The following TOP1 variants were observed in gnomAD, a reference collection of about 807,000 sequenced individuals.
TOP1 encodes the protein DNA topoisomerase I, also known as DNA topoisomerase 1.
A neutral mutation model predicts 111.1 loss-of-function variants in TOP1; 10 were observed. That is an observed-to-expected ratio of 0.09 (90% CI 0.06 to 0.15). The LOEUF is 0.15. Among genes scored for constraint, TOP1 ranks in the 10% least tolerant of loss-of-function variants. The pLI is 1.00. For missense variants in TOP1, 474 were observed against 926.7 expected, an observed-to-expected ratio of 0.51 and a Z score of 6.34; for synonymous variants, 271 against 302.9, an observed-to-expected ratio of 0.89 and a Z score of 1.10.
intron 3 of TOP1, among the ~76,000 whole-genome samples, chr20:41,070,533 T>A (rs1226462041): frequency 6.6e-6 from 1 of 152,216 alleles, no homozygotes; most frequent in Admixed American, 6.5e-5. Flanking sequence ...CAGAGGCAAC[T>A]TTTGAAGTTA....
Position 41,112,453 on chromosome 20 carries a change from G to A in TOP1, c.1309-329G>A, listed in dbSNP as rs2034257563. On this transcript the variant is annotated intron_variant, in intron 13 of 20. Transcript: ENST00000361337. The surrounding 1 kb of genome is among the most constrained non-coding windows in gnomAD (Gnocchi z 5.8). Reference sequence around the variant, plus strand: ...TCTGGGAAAGCCTTAGAAGTCAGTTGTGCTTGGCAGTGAGATGGGACAATG... The same window carrying A: ...TCTGGGAAAGCCTTAGAAGTCAGTTATGCTTGGCAGTGAGATGGGACAATG... Among the ~76,000 whole-genome samples the A allele has an allele frequency of 1.3e-5, 2 of 152,354 alleles. No individual in the cohort carries two copies. The highest frequency in any genetic ancestry group is 2.4e-5 in the African/African-American group (1 of 41,592).
chr20:41,037,591 C>A (rs768193961), intron 2 of TOP1, among the ~76,000 whole-genome samples: 11 of 152,150 alleles, frequency 7.2e-5, no homozygotes, highest in Non-Finnish European at 1.6e-4. Flanking sequence ...GTACCAAATG[C>A]CGTGTTAACA....
intron 3 of TOP1, among the ~76,000 whole-genome samples, chr20:41,066,709 C>A (rs2033612802): frequency 1.3e-5 from 2 of 151,990 alleles, no homozygotes; most frequent in African/African-American, 4.8e-5. Flanking sequence ...TGCCCGCCAC[C>A]ATGCCCCGCT....
chr20:41,050,879 G>C (rs1318924025), intron 2 of TOP1, among the ~76,000 whole-genome samples: 4 of 150,924 alleles, frequency 2.7e-5, no homozygotes, highest in Non-Finnish European at 5.9e-5. Flanking sequence ...ACTGGGTATA[G>C]AGTGTTAAAG....
In TOP1 at chr20:41,080,615, T is replaced by C. The variant is rs6016511; in HGVS notation, c.431+435T>C. On this transcript the variant is annotated intron_variant, in intron 6 of 20. Transcript: ENST00000361337. This position sits in a 1 kb window ranked among gnomAD's most constrained non-coding sequence, Gnocchi z 5.0. ...ATAAAACGGTCGAGGCTTACATGTA[T>C]CTCTTTCCCCAGATTCAATGAGATT... Among the ~76,000 whole-genome samples, 68,066 of 152,002 alleles carry C rather than the reference T, an allele frequency of 0.45. 17,573 individuals carry two copies. Among genetic ancestry groups the C allele is most frequent in the East Asian group, 0.82 (4,257 of 5,190 alleles).
intron 8 of TOP1, among the ~76,000 whole-genome samples, chr20:41,086,983 G>T (rs2033856588): frequency 6.6e-6 from 1 of 152,204 alleles, no homozygotes; most frequent in African/African-American, 2.4e-5. Context: ...TGATGACCTA[G>T]TCGGGGAGTT....
At chr20:41,104,571 C>T (rs1161588046) in intron 13 of TOP1, among the ~76,000 whole-genome samples, 1 of 152,174 alleles carries the variant, frequency 6.6e-6, no homozygotes, top group Non-Finnish European at 1.5e-5. Flanking sequence ...CAGACAATAT[C>T]CAGCTAACTG....
At position 41,081,186 on chromosome 20, in the gene TOP1, A is replaced by G. The variant is rs917641038; in HGVS notation, c.453A>G (p.Lys151=). The G allele has an allele frequency of 3.1e-6, 5 of 1,601,082 alleles. No individual in the cohort carries two copies. The African/African-American group carries it at 4.0e-5, about 13-fold the overall frequency. Residue 151 remains lysine (K), a synonymous_variant, in exon 7 of 21, where the codon AAA becomes AAG. Coordinates refer to ENST00000361337, the MANE Select transcript of TOP1 (RefSeq NM_003286.4). Reference sequence around the variant, plus strand: ...CTAGTGCTGATTATAAACCTAAGAAAATTAAAACAGAAGATACCAAGAAGG... The same window carrying G: ...CTAGTGCTGATTATAAACCTAAGAAGATTAAAACAGAAGATACCAAGAAGG... ...DEDDADYKPK[K]IKTEDTKKEK... is the part of the protein sequence containing the mutation.
In TOP1 at chr20:41,069,352, A is replaced by T. The variant is rs2033644293; in HGVS notation, c.156-6819A>T. ...TGGGAAATGGACAACTAACATGGGTAGGCAGAGAAGATTGAACAGTTTGGA... is the reference window on the plus strand; with the variant it reads ...TGGGAAATGGACAACTAACATGGGTTGGCAGAGAAGATTGAACAGTTTGGA... On this transcript the variant is annotated intron_variant, in intron 3 of 20. Coordinates refer to ENST00000361337, the MANE Select transcript of TOP1 (RefSeq NM_003286.4). This position sits in a 1 kb window ranked among gnomAD's most constrained non-coding sequence, Gnocchi z 4.1. Among the ~76,000 whole-genome samples, 1 of 152,218 alleles carries T rather than the reference A, an allele frequency of 6.6e-6. No individual in the cohort carries two copies. Among genetic ancestry groups the T allele is most frequent in the Non-Finnish European group, 1.5e-5 (1 of 68,038 alleles).
rs2034457803 is a variant in TOP1, at chr20:41,123,979, C to A, written c.*682C>A. On this transcript the variant is annotated 3_prime_UTR_variant, in exon 21 of 21. Coordinates refer to ENST00000361337, the MANE Select transcript of TOP1 (RefSeq NM_003286.4). The surrounding 1 kb of genome is among the most constrained non-coding windows in gnomAD (Gnocchi z 5.8). ...TTTTAATTATTTTAAAATATTTAAACCTTTTTCTTGATCTTAAAGATCGTG... is the reference window on the plus strand; with the variant it reads ...TTTTAATTATTTTAAAATATTTAAAACTTTTTCTTGATCTTAAAGATCGTG... 4.3e-6 allele frequency: 1 copy of A among 232,430 alleles called. No homozygotes were observed. Among genetic ancestry groups the A allele is most frequent in the Non-Finnish European group, 8.5e-6 (1 of 117,440 alleles). The allele number at this position is 232,430 out of a possible 1,614,324, so 14.4% of individuals were successfully genotyped here.
chr20:41,049,587 G>T (rs1172728228), intron 2 of TOP1, among the ~76,000 whole-genome samples: 1 of 152,162 alleles, frequency 6.6e-6, no homozygotes, highest in Non-Finnish European at 1.5e-5. Flanking sequence ...GCAGTTAGGG[G>T]GACCCTTTCC....
Position 41,121,012 on chromosome 20 carries a change from G to C in TOP1, c.1951-684G>C, listed in dbSNP as rs2034414709. Among the ~76,000 whole-genome samples, 1 of 152,224 alleles carries C rather than the reference G, an allele frequency of 6.6e-6. No individual in the cohort carries two copies. The highest frequency in any genetic ancestry group is 2.4e-5 in the African/African-American group (1 of 41,448). ...CTCCTCAGCCTCCCCAAAGTGCTGGGATTACAGGCGTGAGACACCGCGCCT... is the reference window on the plus strand; with the variant it reads ...CTCCTCAGCCTCCCCAAAGTGCTGGCATTACAGGCGTGAGACACCGCGCCT... On this transcript the variant is annotated intron_variant, in intron 18 of 20. Transcript: ENST00000361337. This position sits in a 1 kb window ranked among gnomAD's most constrained non-coding sequence, Gnocchi z 4.2.
chr20:41,054,935 G>A (rs1035285347), intron 2 of TOP1, among the ~76,000 whole-genome samples: 42 of 151,976 alleles, frequency 2.8e-4, no homozygotes, highest in African/African-American at 9.7e-4. Flanking sequence ...TTTGTCTGTC[G>A]GAAGCTTCTT....
rs2033496604 is a variant in TOP1, at chr20:41,058,113, G to T, written c.59-3281G>T. 6.6e-6 allele frequency among the ~76,000 whole-genome samples: 1 copy of T among 152,136 alleles called. No individual in the cohort carries two copies. The highest frequency in any genetic ancestry group is 1.5e-5 in the Non-Finnish European group (1 of 68,024). ...TATTTTTCCCATCTCTGTAGGATGG[G>T]AATTTCTTACAGTTAGTACTACGGT... On this transcript the variant is annotated intron_variant, in intron 2 of 20. Transcript: ENST00000361337. This position sits in a 1 kb window ranked among gnomAD's most constrained non-coding sequence, Gnocchi z 4.2.
intron 17 of TOP1, among the ~76,000 whole-genome samples, chr20:41,117,680 C>T (rs373552772): frequency 6.6e-6 from 1 of 152,064 alleles, no homozygotes; most frequent in South Asian, 2.1e-4. Flanking sequence ...CCACCGCGCC[C>T]GGCCAAAATT....
intron 3 of TOP1, among the ~76,000 whole-genome samples, chr20:41,066,558 T>TTTC (rs10660106): frequency 1.3e-4 from 11 of 82,810 alleles, no homozygotes; most frequent in African/African-American, 6.1e-4. Context: ...TTTTCTTTTC[T>TTTC]TTTTTTTTTT....
rs912271489 is a variant in TOP1, at chr20:41,101,364, A to G, written c.1308+11A>G. 3.1e-6 allele frequency: 5 copies of G among 1,613,170 alleles called. No homozygotes were observed. The Admixed American group carries it at 5.0e-5, about 16-fold the overall frequency. On this transcript the variant is annotated intron_variant, in intron 13 of 20. Coordinates refer to ENST00000361337, the MANE Select transcript of TOP1 (RefSeq NM_003286.4). The surrounding 1 kb of genome is among the most constrained non-coding windows in gnomAD (Gnocchi z 4.1). The stretch of plus-strand genomic sequence containing the variant: ...AGTTCACGAATCAAGGTAAGGGGAT[A>G]GTTGAGAGCTGCACTGGTTCATGGT...
At position 41,061,458 on chromosome 20, in the gene TOP1, G is replaced by A; in HGVS notation, c.123G>A (p.Glu41=). ...REHRHKEHKK[E]KDREKSKHSN... ...ACCGGCACAAAGAACACAAGAAGGA[G>A]AAGGACCGGGAAAAGTCCAAGCATA... is the stretch of plus-strand genomic sequence containing the variant. Residue 41 remains glutamate (E), a synonymous_variant, in exon 3 of 21, where the codon GAG becomes GAA. Transcript: ENST00000361337. This position sits in a 1 kb window ranked among gnomAD's most constrained non-coding sequence, Gnocchi z 4.6. 6.2e-7 allele frequency: 1 copy of A among 1,610,492 alleles called. No individual in the cohort carries two copies. The highest frequency in any genetic ancestry group is 8.5e-7 in the Non-Finnish European group (1 of 1,177,926).
intron 3 of TOP1, among the ~76,000 whole-genome samples, chr20:41,063,362 C>T (rs972601594): frequency 1.3e-5 from 2 of 152,198 alleles, no homozygotes; most frequent in African/African-American, 4.8e-5. Context: ...TAGGTTGATT[C>T]CATGTCTTCC....
Sources: allele counts gnomAD v4.1 joint callset (sites outside exome capture counted in the v4.1 genomes callset), GRCh38; gene constraint gnomAD v4.1.1; non-coding constraint Gnocchi (gnomAD v3.1); transcripts MANE v1.5; gene names NCBI Gene and HGNC (gene_info 2026-07-23, HGNC 2026-07-21).